The following VTI1A variants were observed in gnomAD, a reference collection of about 807,000 sequenced individuals.
VTI1A encodes vesicle transport through interaction with t-SNAREs homolog 1A.
VTI1A carries 22 observed loss-of-function variants against 34.9 expected under a neutral mutation model. The ratio of observed to expected loss-of-function variants is 0.63; its 90% CI spans 0.45 to 0.90. The LOEUF is 0.90. Ranked by LOEUF, VTI1A falls within the 40% of genes least tolerant of loss-of-function variation. VTI1A has a pLI of 0.00. For missense variants in VTI1A, 268 were observed against 275.6 expected, an observed-to-expected ratio of 0.97 and a Z score of 0.20; for synonymous variants, 87 against 97.3, an observed-to-expected ratio of 0.89 and a Z score of 0.62.
At chr10:112,813,415 A>T (rs1017350253) in intron 7 of VTI1A, among the ~76,000 whole-genome samples, 5 of 152,198 alleles carry the variant, frequency 3.3e-5, no homozygotes, top group African/African-American at 1.2e-4. Flanking sequence ...AAGAGTTTTC[A>T]TGCTTTTAAT....
At chr10:112,670,587 A>G (rs1295505757) in intron 7 of VTI1A, among the ~76,000 whole-genome samples, 1 of 152,188 alleles carries the variant, frequency 6.6e-6, no homozygotes, top group Admixed American at 6.5e-5. Flanking sequence ...CAAATAAAGC[A>G]TCTTCTCATA....
At chr10:112,736,849 G>T in intron 7 of VTI1A, 1 of 958,444 alleles carries the variant, frequency 1.0e-6, no homozygotes, top group Non-Finnish European at 1.6e-6. Context: ...TGAAAGAGCT[G>T]CCCTGGACGG....
chr10:112,570,847 C>G (rs1852090513), intron 5 of VTI1A, among the ~76,000 whole-genome samples: 1 of 152,232 alleles, frequency 6.6e-6, no homozygotes, highest in African/African-American at 2.4e-5. Context: ...TAACAAATAA[C>G]TAGACTAATA....
rs115249331 is a variant in VTI1A, at chr10:112,517,693, C to T, written c.265-9394C>T. On this transcript the variant is annotated intron_variant, in intron 3 of 7. Transcript: ENST00000393077. ...GCACTTTACTTCTGTGATCTCCCTC[C>T]GGAAAATATATGACTCCAATCTAGT... Among the ~76,000 whole-genome samples the T allele has an allele frequency of 5.3e-3, 800 of 152,106 alleles. 13 individuals carry two copies. Among genetic ancestry groups the T allele is most frequent in the African/African-American group, 0.019 (772 of 41,492 alleles).
intron 5 of VTI1A, among the ~76,000 whole-genome samples, chr10:112,566,976 C>T (rs1053362964): frequency 1.3e-5 from 2 of 152,076 alleles, no homozygotes; most frequent in Non-Finnish European, 2.9e-5. Context: ...GGACCTAGTG[C>T]AACATATTTT....
At chr10:112,830,845 A>G in the VTI1A span, among the ~76,000 whole-genome samples, 1 of 42,036 alleles carries the variant, frequency 2.4e-5, no homozygotes, top group African/African-American at 1.0e-4. Context: ...ATATATATAT[A>G]TATATTTTTT....
At chr10:112,542,536 A>G (rs1850907806) in intron 5 of VTI1A, among the ~76,000 whole-genome samples, 1 of 152,140 alleles carries the variant, frequency 6.6e-6, no homozygotes, top group Non-Finnish European at 1.5e-5. Context: ...GGGAGCTAAC[A>G]TTCTGTGAGC....
intron 5 of VTI1A, among the ~76,000 whole-genome samples, chr10:112,543,914 A>G (rs1193629287): frequency 6.6e-6 from 1 of 152,202 alleles, no homozygotes. Context: ...CAGTTTTCCC[A>G]GCACCATTTA....
intron 5 of VTI1A, among the ~76,000 whole-genome samples, chr10:112,640,046 G>T (rs1056187738): frequency 6.6e-6 from 1 of 152,026 alleles, no homozygotes; most frequent in Non-Finnish European, 1.5e-5. Flanking sequence ...TGATTCAAGG[G>T]CCATTTGGAG....
At chr10:112,580,045 A>AT (rs1454328741) in intron 5 of VTI1A, among the ~76,000 whole-genome samples, 4 of 151,834 alleles carry the variant, frequency 2.6e-5, no homozygotes, top group African/African-American at 4.8e-5. Context: ...TAGAATTATT[A>AT]TTTTTTTTCT....
At chr10:112,685,298 T>G (rs931346908) in intron 7 of VTI1A, among the ~76,000 whole-genome samples, 1 of 152,232 alleles carries the variant, frequency 6.6e-6, no homozygotes, top group Non-Finnish European at 1.5e-5. Flanking sequence ...CCTCTGTATC[T>G]CTTATGTTTG....
At chr10:112,791,792 T>TA (rs1181489871) in intron 7 of VTI1A, among the ~76,000 whole-genome samples, 3 of 151,132 alleles carry the variant, frequency 2.0e-5, no homozygotes, top group East Asian at 3.9e-4. Flanking sequence ...TGTTCTCTAA[T>TA]AAAAAAGCAA....
At chr10:112,846,296 A>T in the VTI1A span, among the ~76,000 whole-genome samples, 1 of 152,206 alleles carries the variant, frequency 6.6e-6, no homozygotes, top group African/African-American at 2.4e-5. Flanking sequence ...TCTTACAGAA[A>T]TGGATACCTC....
intron 5 of VTI1A, among the ~76,000 whole-genome samples, chr10:112,635,348 T>A (rs1013314773): frequency 6.6e-6 from 1 of 152,146 alleles, no homozygotes; most frequent in East Asian, 1.9e-4. Flanking sequence ...GTCAGCAGGA[T>A]TGTACGGATT....
chr10:112,851,081 G>A, the VTI1A span, among the ~76,000 whole-genome samples: 1 of 152,192 alleles, frequency 6.6e-6, no homozygotes, highest in African/African-American at 2.4e-5. Context: ...GCTTTAAGAT[G>A]AAGGCCTGCA....
chr10:112,621,436 A>G (rs1845730908), intron 5 of VTI1A, among the ~76,000 whole-genome samples: 2 of 152,186 alleles, frequency 1.3e-5, no homozygotes, highest in African/African-American at 2.4e-5. Flanking sequence ...CATAGTTTTT[A>G]TATATGCTTT....
intron 5 of VTI1A, among the ~76,000 whole-genome samples, chr10:112,581,979 C>G (rs1312575631): frequency 1.3e-5 from 2 of 152,154 alleles, no homozygotes; most frequent in African/African-American, 4.8e-5. Context: ...TCTGACTTAC[C>G]TCCTTGACAC....
intron 5 of VTI1A, among the ~76,000 whole-genome samples, chr10:112,653,977 A>G (rs936830273): frequency 2.0e-5 from 3 of 152,220 alleles, no homozygotes; most frequent in African/African-American, 7.2e-5. Flanking sequence ...AATAAGTTCA[A>G]TATACAGCCT....
rs1433243209 is a variant in VTI1A at position 112,668,952 on chromosome 10, G to A, written c.514G>A (p.Ala172Thr). Residue 172 changes from alanine to threonine, a missense_variant, in exon 7 of 8, where the codon GCT becomes ACT. Physicochemically the swap from Ala to Thr is moderately conservative, Grantham distance 58. Transcript: ENST00000393077. ...CTTCTTGTAGCTTCGGGAAACAGAT[G>A]CTAATTTGGGAAAAAGCTCCAGGAT... is the stretch of plus-strand genomic sequence containing the variant. Reference protein sequence around the residue: ...RARERLRETDANLGKSSRILT... With the variant: ...RARERLRETDTNLGKSSRILT... 6.2e-7 allele frequency: 1 copy of A among 1,612,252 alleles called. No individual in the cohort carries two copies. Among genetic ancestry groups the A allele is most frequent in the Non-Finnish European group, 8.5e-7 (1 of 1,178,708 alleles).
Sources: gnomAD v4.1 joint callset for allele counts (sites outside exome capture counted in the v4.1 genomes callset) on GRCh38, gnomAD v4.1.1 for gene constraint, MANE v1.5 for transcripts, NCBI Gene and HGNC (gene_info 2026-07-23, HGNC 2026-07-21) for gene names.